FXR1: variants seen among roughly 807,000 people sequenced by gnomAD.
The protein encoded by FXR1 is FMR1 autosomal homolog 1.
A neutral mutation model predicts 84.0 loss-of-function variants in FXR1; 15 were observed. The ratio of observed to expected loss-of-function variants is 0.18; its 90% CI spans 0.12 to 0.27. FXR1 has a LOEUF of 0.27. Among genes scored for constraint, FXR1 ranks in the 10% least tolerant of loss-of-function variants. The probability of loss-of-function intolerance (pLI) is 1.00; values close to 1 mark genes in which losing one functional copy is unlikely to be tolerated. For missense variants in FXR1, 480 were observed against 774.4 expected (o/e 0.62, Z 4.51); for synonymous variants, 245 against 250.7 (o/e 0.98, Z 0.21).
chr3:180,937,108 T>C (rs558797468), intron 3 of FXR1, among the ~76,000 whole-genome samples: 2 of 152,344 alleles, frequency 1.3e-5, no homozygotes, highest in Admixed American at 1.3e-4. Context: ...TCTAATAGTT[T>C]TCTGTGAGAA....
chr3:180,968,379 A>G, intron 14 of FXR1, 125 bp downstream of exon 14: 1 of 671,082 alleles, frequency 1.5e-6, no homozygotes, highest in Non-Finnish European at 2.6e-6. Flanking sequence ...TCTTAGAGAA[A>G]GTAGTGGACC....
intron 1 of FXR1, among the ~76,000 whole-genome samples, chr3:180,917,838 T>C (rs1718083924): frequency 6.6e-6 from 1 of 150,806 alleles, no homozygotes; most frequent in Non-Finnish European, 1.5e-5. Flanking sequence ...TCCCAGCTAC[T>C]TGGGAAGCTG....
intron 7 of FXR1, among the ~76,000 whole-genome samples, chr3:180,950,463 C>T (rs1412331913): frequency 1.3e-5 from 2 of 151,828 alleles, no homozygotes; most frequent in Admixed American, 6.6e-5. Context: ...TGTGGGTTTT[C>T]GGTGGTTTTT....
intron 1 of FXR1, among the ~76,000 whole-genome samples, chr3:180,927,012 T>C (rs1719312708): frequency 6.6e-6 from 1 of 152,016 alleles, no homozygotes; most frequent in Non-Finnish European, 1.5e-5. Flanking sequence ...TTTCAAACAT[T>C]AAAATTTTCT....
chr3:180,950,299 A>G (rs1485313323), intron 7 of FXR1, among the ~76,000 whole-genome samples: 2 of 152,230 alleles, frequency 1.3e-5, no homozygotes, highest in Non-Finnish European at 2.9e-5. Flanking sequence ...TGAACAAGGG[A>G]TATGTGAACA....
rs1491570710 is a variant in FXR1, at chr3:180,963,100, AAT to A, written c.1198+11_1198+12del. 3.9e-6 allele frequency: 5 copies of A among 1,278,662 alleles called. No individual in the cohort carries two copies. In the South Asian group the frequency reaches 5.2e-5, roughly 13 times the overall value. The allele number at this position is 1,278,662 out of a possible 1,614,324, so 79.2% of individuals were successfully genotyped here. A position where few individuals can be genotyped will look rare whatever the true frequency, so the allele number is the denominator to read the frequency against. On this transcript the variant is annotated intron_variant, in intron 13 of 16. Coordinates refer to ENST00000357559, the MANE Select transcript of FXR1 (RefSeq NM_005087.4). ...TACACCTCCGGTTATGGTAAAAAAA[AAT>A]TTTTTTTTTTTTTTTTTGGTAATAG...
Position 180,912,773 on chromosome 3 carries a change from G to A in FXR1, c.51+37G>A, listed in dbSNP as rs758443501. On this transcript the variant is annotated intron_variant, in intron 1 of 16. Coordinates refer to ENST00000357559, the MANE Select transcript of FXR1 (RefSeq NM_005087.4). ...TTTGCCACTTTGTCGAGTGTTCTGG[G>A]TGCTGGAGCGCGTTTGAGGGAGGGT... is the stretch of plus-strand genomic sequence containing the variant. 4 of 1,613,888 alleles carry A rather than the reference G, an allele frequency of 2.5e-6. No homozygotes were observed. The African/African-American group carries it at 5.3e-5, about 22-fold the overall frequency.
At chr3:180,933,301 T>G (rs1034464908) in intron 1 of FXR1, 33 bp from the exon 2 acceptor site, 2 of 1,299,626 alleles carry the variant, frequency 1.5e-6, no homozygotes, top group Non-Finnish European at 2.2e-6. Flanking sequence ...TGCTTTAATA[T>G]CTATGCTTTT....
At chr3:180,928,280 A>C (rs1422663323) in intron 1 of FXR1, among the ~76,000 whole-genome samples, 3 of 151,972 alleles carry the variant, frequency 2.0e-5, no homozygotes, top group Non-Finnish European at 4.4e-5. Flanking sequence ...GTTCCTTTAA[A>C]ATATCTTTTC....
chr3:180,942,743 AAT>A (rs934467838), intron 3 of FXR1, among the ~76,000 whole-genome samples: 2 of 152,116 alleles, frequency 1.3e-5, no homozygotes, highest in Non-Finnish European at 2.9e-5. Flanking sequence ...GTTCCTGCGA[AAT>A]AGTTTGCAGA....
rs200313498 is a variant in FXR1, at chr3:180,968,024, G to C, written c.1199-27G>C. ...TAAAAGGCTTTTTATAGAAATCTAA[G>C]TGGTTTATGTTCTTTTCTTTTCCAA... On this transcript the variant is annotated intron_variant, in intron 13 of 16. Coordinates refer to ENST00000357559, the MANE Select transcript of FXR1 (RefSeq NM_005087.4). The C allele has an allele frequency of 3.5e-6, 5 of 1,410,882 alleles. No individual in the cohort carries two copies. In the East Asian group the frequency reaches 9.1e-5, roughly 26 times the overall value. The allele number at this position is 1,410,882 out of a possible 1,614,324, so 87.4% of individuals were successfully genotyped here. A position where few individuals can be genotyped will look rare whatever the true frequency, so the allele number is the denominator to read the frequency against.
chr3:180,940,437 C>A (rs1275484431), intron 3 of FXR1, among the ~76,000 whole-genome samples: 27 of 152,016 alleles, frequency 1.8e-4, no homozygotes, highest in Non-Finnish European at 2.9e-5. Flanking sequence ...ATCCCTCCTC[C>A]CTCATTTCAC....
At chr3:180,974,377 A>G (rs1395423986) in intron 15 of FXR1, among the ~76,000 whole-genome samples, 2 of 152,120 alleles carry the variant, frequency 1.3e-5, no homozygotes, top group Non-Finnish European at 2.9e-5. Flanking sequence ...TCCTGACCTC[A>G]GGTGATCTGC....
intron 1 of FXR1, among the ~76,000 whole-genome samples, chr3:180,925,431 A>G (rs774812642): frequency 2.0e-5 from 3 of 151,550 alleles, no homozygotes; most frequent in Non-Finnish European, 4.4e-5. Flanking sequence ...TCATTTTGTG[A>G]GCTTTGATCC....
In FXR1 at chr3:180,977,848, T is replaced by A. The variant is rs1269709926; in HGVS notation, c.*1556T>A. The A allele has an allele frequency of 1.3e-5, 2 of 152,092 alleles. No homozygotes were observed. The highest frequency in any genetic ancestry group is 3.9e-4 in the East Asian group (2 of 5,188). 9.4% of individuals were successfully genotyped at this position (152,092 alleles called of 1,614,324 possible). A position where few individuals can be genotyped will look rare whatever the true frequency, so the allele number is the denominator to read the frequency against. ...AGGGTATAGTTAAAAATGTACAATG[T>A]GCCAGTTCAGTATATATAACCCTAG... is the stretch of plus-strand genomic sequence containing the variant. On this transcript the variant is annotated 3_prime_UTR_variant, in exon 17 of 17. Coordinates refer to ENST00000357559, the MANE Select transcript of FXR1 (RefSeq NM_005087.4).
chr3:180,955,460 GTATAAT>G (rs1031967229), intron 9 of FXR1, among the ~76,000 whole-genome samples: 33 of 152,142 alleles, frequency 2.2e-4, no homozygotes, highest in African/African-American at 6.0e-4. Flanking sequence ...GAAGAATTTT[GTATAAT>G]TATAATTATA....
chr3:180,921,372 T>TAAAAAAAAAAAA, intron 1 of FXR1, among the ~76,000 whole-genome samples: 1 of 131,070 alleles, frequency 7.6e-6, no homozygotes, highest in Non-Finnish European at 1.6e-5. Flanking sequence ...AAACTCCATC[T>TAAAAAAAAAAAA]AAAAAAAAAA....
In FXR1 at chr3:180,981,979, A is replaced by T. The variant is rs953807130; in HGVS notation, c.*5687A>T. The T allele has an allele frequency of 1.3e-5, 2 of 152,018 alleles. No homozygotes were observed. Among genetic ancestry groups the T allele is most frequent in the African/African-American group, 4.8e-5 (2 of 41,408 alleles). 9.4% of individuals were successfully genotyped at this position (152,018 alleles called of 1,614,324 possible). A position where few individuals can be genotyped will look rare whatever the true frequency, so the allele number is the denominator to read the frequency against. ...CCAATGAGTAAAGACAAAGGCCCCA[A>T]GCTAGATCTGTAGAGATAAGTACTA... On this transcript the variant is annotated 3_prime_UTR_variant, in exon 17 of 17. Transcript: ENST00000357559.
intron 15 of FXR1, 39 bp from the exon 16 acceptor site, chr3:180,975,273 AT>A (rs1217267824): frequency 2.5e-6 from 2 of 800,644 alleles, no homozygotes; most frequent in Non-Finnish European, 4.1e-6. Context: ...CTTTAGAAAT[AT>A]TTTTTCAACA....
Sources: allele counts gnomAD v4.1 joint callset (sites outside exome capture counted in the v4.1 genomes callset), GRCh38; gene constraint gnomAD v4.1.1; transcripts MANE v1.5; gene names NCBI Gene and HGNC (gene_info 2026-07-23, HGNC 2026-07-21).